GATA4: variants seen among roughly 807,000 people sequenced by gnomAD.
The protein encoded by GATA4 is transcription factor GATA-4.
A neutral mutation model predicts 37.9 loss-of-function variants in GATA4; 7 were observed. The observed-to-expected ratio is 0.18, with a 90% CI of 0.11 to 0.35. GATA4 has a LOEUF of 0.35. Among genes scored for constraint, GATA4 ranks in the 10% least tolerant of loss-of-function variants. The pLI, the probability that GATA4 is intolerant of heterozygous loss-of-function variation, is 1.00. For missense variants in GATA4, 647 were observed against 653.0 expected (o/e 0.99, Z 0.10); for synonymous variants, 372 against 292.6 (o/e 1.27, Z -2.77).
At chr8:11,710,668 A>G (rs1481084990) in intron 2 of GATA4, among the ~76,000 whole-genome samples, 2 of 130,198 alleles carry the variant, frequency 1.5e-5, no homozygotes, top group African/African-American at 2.8e-5. Flanking sequence ...CCAGCCTGGT[A>G]ACAGAACAAG....
intron 2 of GATA4, among the ~76,000 whole-genome samples, chr8:11,733,438 G>A (rs564307331): frequency 6.6e-6 from 1 of 152,346 alleles, no homozygotes; most frequent in African/African-American, 2.4e-5. Context: ...AAGCAGTGAT[G>A]TTCATTGCAG....
upstream of GATA4, among the ~76,000 whole-genome samples, chr8:11,703,532 G>C (rs1171645601): frequency 6.6e-6 from 1 of 152,254 alleles, no homozygotes; most frequent in African/African-American, 2.4e-5. Flanking sequence ...GGAAAGATTA[G>C]AAGAGAGGAG....
At chr8:11,744,259 A>C (rs1440451978) in intron 2 of GATA4, among the ~76,000 whole-genome samples, 1 of 152,220 alleles carries the variant, frequency 6.6e-6, no homozygotes, top group Admixed American at 6.5e-5. Context: ...TCAGCCTCCT[A>C]ACAATAATCC....
At position 11,708,222 on chromosome 8, in the gene GATA4, T is replaced by C; in HGVS notation, c.-91T>C. Reference sequence around the variant, plus strand: ...TTCGCGACAGTTCCTCCCACGCATATTATCGTTGTTGCCGTCGTTTTCTCT... The same window carrying C: ...TTCGCGACAGTTCCTCCCACGCATACTATCGTTGTTGCCGTCGTTTTCTCT... On this transcript the variant is annotated 5_prime_UTR_variant, in exon 2 of 7. Transcript: ENST00000532059. The surrounding 1 kb of genome is among the most constrained non-coding windows in gnomAD (Gnocchi z 6.7). 2 of 1,406,382 alleles carry C rather than the reference T, an allele frequency of 1.4e-6. No homozygotes were observed. The highest frequency in any genetic ancestry group is 9.7e-7 in the Non-Finnish European group (1 of 1,030,134). The allele number at this position is 1,406,382 out of a possible 1,614,324, so 87.1% of individuals were successfully genotyped here. A position where few individuals can be genotyped will look rare whatever the true frequency, so the allele number is the denominator to read the frequency against.
At chr8:11,748,555 T>C (rs1430195789) in intron 2 of GATA4, among the ~76,000 whole-genome samples, 1 of 152,196 alleles carries the variant, frequency 6.6e-6, no homozygotes, top group African/African-American at 2.4e-5. Context: ...CTTACTAACT[T>C]TGAAAGGGAA....
At chr8:11,724,942 A>G (rs1045772315) in intron 2 of GATA4, among the ~76,000 whole-genome samples, 17 of 152,202 alleles carry the variant, frequency 1.1e-4, no homozygotes, top group Non-Finnish European at 5.9e-5. Context: ...TGAAGGGAAG[A>G]GCTGTATGTG....
upstream of GATA4, among the ~76,000 whole-genome samples, chr8:11,703,401 C>A (rs987560844): frequency 6.6e-6 from 1 of 152,134 alleles, no homozygotes; most frequent in African/African-American, 2.4e-5. Context: ...GACACATTCC[C>A]CTCCCCCATA....
Position 11,749,175 on chromosome 8 carries a change from T to G in GATA4, c.786+90T>G. 7.5e-7 allele frequency: 1 copy of G among 1,342,180 alleles called. No individual in the cohort carries two copies. Among genetic ancestry groups the G allele is most frequent in the Admixed American group, 1.9e-5 (1 of 52,160 alleles). 83.1% of individuals were successfully genotyped at this position (1,342,180 alleles called of 1,614,324 possible). On this transcript the variant is annotated intron_variant, in intron 3 of 6. Coordinates refer to ENST00000532059, the MANE Select transcript of GATA4 (RefSeq NM_001308093.3). This position sits in a 1 kb window ranked among gnomAD's most constrained non-coding sequence, Gnocchi z 4.6. ...TCCTCTGGTTTTGAATTTTGGAACT[T>G]GAGGGTGTGCATCGGGGATTACGTG...
At chr8:11,692,774 G>A in intron 1 of GATA4, 1 of 982,668 alleles carries the variant, frequency 1.0e-6, no homozygotes, top group Non-Finnish European at 1.2e-6. Context: ...GGCGGGAAGC[G>A]AGGCTGCCGA....
intron 2 of GATA4, among the ~76,000 whole-genome samples, chr8:11,715,523 C>T (rs7837066): frequency 0.098 from 14,907 of 152,024 alleles, 804 homozygotes; most frequent in African/African-American, 0.13. Flanking sequence ...CTGAGGCGGG[C>T]GGATCGTGAG....
intron 2 of GATA4, among the ~76,000 whole-genome samples, chr8:11,736,020 TCCTA>T (rs1174557575): frequency 1.3e-4 from 20 of 152,258 alleles, no homozygotes; most frequent in African/African-American, 4.6e-4. Context: ...CAAGTGATCC[TCCTA>T]CCTCAGCCTC....
At chr8:11,691,519 AT>A (rs140596679), upstream of GATA4, among the ~76,000 whole-genome samples, 1,336 of 152,338 alleles carry the variant, frequency 8.8e-3, 11 homozygotes, top group Non-Finnish European at 0.015. Context: ...TCCAGGCTGG[AT>A]TTCGAGAGCT....
rs1169258355 is a variant in GATA4 at position 11,758,953 on chromosome 8, C to T, written c.*478C>T. On this transcript the variant is annotated 3_prime_UTR_variant, in exon 7 of 7. Coordinates refer to ENST00000532059, the MANE Select transcript of GATA4 (RefSeq NM_001308093.3). ...CCCCATCCATCCGCTTGAGGCATGGCACCGCCCTGCATCCCTAATACCAAA... is the reference window on the plus strand; with the variant it reads ...CCCCATCCATCCGCTTGAGGCATGGTACCGCCCTGCATCCCTAATACCAAA... 1 of 257,764 alleles carries T rather than the reference C, an allele frequency of 3.9e-6. No individual in the cohort carries two copies. 16.0% of individuals were successfully genotyped at this position (257,764 alleles called of 1,614,324 possible). A position where few individuals can be genotyped will look rare whatever the true frequency, so the allele number is the denominator to read the frequency against.
At chr8:11,680,775 G>C (rs919021629) in intron 1 of GATA4, 6 of 985,276 alleles carry the variant, frequency 6.1e-6, no homozygotes, top group Middle Eastern at 1.0e-3. Flanking sequence ...CTCCAGATGC[G>C]AGGTGCTCAC....
chr8:11,680,580 G>A (rs1197568223), intron 1 of GATA4: 13 of 985,264 alleles, frequency 1.3e-5, no homozygotes, highest in Non-Finnish European at 1.6e-5. Context: ...GGAAGCCCAG[G>A]CTATGCCCAG....
intron 2 of GATA4, among the ~76,000 whole-genome samples, chr8:11,746,828 T>C (rs1183093581): frequency 6.6e-6 from 1 of 152,236 alleles, no homozygotes; most frequent in Non-Finnish European, 1.5e-5. Context: ...AAATAGCCTC[T>C]GCTGTGACGC....
upstream of GATA4, among the ~76,000 whole-genome samples, chr8:11,688,564 C>T (rs1211436968): frequency 1.3e-5 from 2 of 151,908 alleles, no homozygotes; most frequent in African/African-American, 4.8e-5. Flanking sequence ...GAATCTCAAC[C>T]CTATAAATCT....
At position 11,749,818 on chromosome 8, in the gene GATA4, C is replaced by T. The variant is rs755454645; in HGVS notation, c.787-293C>T. Among the ~76,000 whole-genome samples, 5 of 152,202 alleles carry T rather than the reference C, an allele frequency of 3.3e-5. No individual in the cohort carries two copies. Among genetic ancestry groups the T allele is most frequent in the Non-Finnish European group, 7.3e-5 (5 of 68,032 alleles). ...GAGAAGCTTTCCTGCCGGCAGTGCCCGGCGCTCACTGGTTATTCGCCTGAC... is the reference window on the plus strand; with the variant it reads ...GAGAAGCTTTCCTGCCGGCAGTGCCTGGCGCTCACTGGTTATTCGCCTGAC... On this transcript the variant is annotated intron_variant, in intron 3 of 6. Transcript: ENST00000532059. The surrounding 1 kb of genome is among the most constrained non-coding windows in gnomAD (Gnocchi z 4.6).
At chr8:11,719,873 C>G (rs1246104725) in intron 2 of GATA4, among the ~76,000 whole-genome samples, 1 of 152,162 alleles carries the variant, frequency 6.6e-6, no homozygotes, top group African/African-American at 2.4e-5. Flanking sequence ...ATTTTTTAAT[C>G]TTATGGTATA....
Sources: gnomAD v4.1 joint callset for allele counts (sites outside exome capture counted in the v4.1 genomes callset) on GRCh38, gnomAD v4.1.1 for gene constraint, Gnocchi (gnomAD v3.1) non-coding constraint, MANE v1.5 for transcripts, NCBI Gene and HGNC (gene_info 2026-07-23, HGNC 2026-07-21) for gene names.